The following DUS2 variants were observed in gnomAD, a reference collection of about 807,000 sequenced individuals.
DUS2 encodes tRNA-dihydrouridine(20) synthase [NAD(P)+]-like.
In DUS2, 52 loss-of-function variants were observed where a neutral mutation model predicts 71.3. The ratio of observed to expected loss-of-function variants is 0.73; its 90% CI spans 0.58 to 0.92. DUS2 has a LOEUF of 0.92. Among genes scored for constraint, DUS2 ranks in the 40% least tolerant of loss-of-function variants. The pLI, the probability that DUS2 is intolerant of heterozygous loss-of-function variation, is 0.00. For missense variants in DUS2, 558 were observed against 622.6 expected (o/e 0.90, Z 1.10); for synonymous variants, 204 against 227.8 (o/e 0.90, Z 0.94).
intron 3 of DUS2, among the ~76,000 whole-genome samples, chr16:68,044,570 A>AT (rs1421211165): frequency 2.0e-5 from 3 of 150,902 alleles, no homozygotes; most frequent in African/African-American, 7.3e-5. Flanking sequence ...TAATTTTTGT[A>AT]TTTTTTTGTA....
At chr16:68,035,929 T>TATATATAC (rs1416625748) in intron 2 of DUS2, among the ~76,000 whole-genome samples, 17 of 108,536 alleles carry the variant, frequency 1.6e-4, no homozygotes, top group African/African-American at 6.2e-4. Flanking sequence ...TATATATATA[T>TATATATAC]ACACACATAC....
chr16:68,065,957 C>T (rs546211345), intron 8 of DUS2, among the ~76,000 whole-genome samples: 75 of 152,250 alleles, frequency 4.9e-4, no homozygotes, highest in African/African-American at 1.7e-3. Flanking sequence ...GTGTGGAATT[C>T]AAGAGTGTGT....
rs1173522157 is a variant in DUS2, at chr16:68,053,624, A to C, written c.233A>C (p.Glu78Ala). ...GATCGAGTTGTCTTCCGCACCTGTG[A>C]AAGAGAGCAGAACAGGGTGGTCTTC... is the stretch of plus-strand genomic sequence containing the variant. Reference protein sequence around the residue: ...PDDRVVFRTCEREQNRVVFQM... With the variant: ...PDDRVVFRTCAREQNRVVFQM... Residue 78 changes from glutamate to alanine, a missense_variant, in exon 5 of 17, where the codon GAA becomes GCA. By Grantham distance (107) the Glu-to-Ala change is moderately radical (BLOSUM62 -1). Coordinates refer to ENST00000565263, the MANE Select transcript of DUS2 (RefSeq NM_017803.5). 1.2e-6 allele frequency: 2 copies of C among 1,614,206 alleles called. No individual in the cohort carries two copies. Among genetic ancestry groups the C allele is most frequent in the South Asian group, 2.2e-5 (2 of 91,088 alleles).
At chr16:68,044,056 C>T (rs1175903951) in intron 3 of DUS2, among the ~76,000 whole-genome samples, 1 of 152,172 alleles carries the variant, frequency 6.6e-6, no homozygotes, top group Admixed American at 6.5e-5. Flanking sequence ...GTATGTCTAC[C>T]TGTATGCCAG....
chr16:68,042,765 A>G (rs368019650), intron 3 of DUS2, among the ~76,000 whole-genome samples: 1 of 151,758 alleles, frequency 6.6e-6, no homozygotes, highest in Non-Finnish European at 1.5e-5. Flanking sequence ...CTGGAGTGCC[A>G]TGGCGTGATC....
At chr16:68,032,013 A>G (rs2033448018) in intron 2 of DUS2, among the ~76,000 whole-genome samples, 1 of 152,218 alleles carries the variant, frequency 6.6e-6, no homozygotes, top group Non-Finnish European at 1.5e-5. Flanking sequence ...TGTCTAAGAA[A>G]TTGAGCGTAA....
rs1567480123 is a variant in DUS2 at position 68,066,307 on chromosome 16, CT to C, written c.418-7del. ...AAGACATAGGTGCTCTTGTGTTTTC[CT>C]TTCTGCAGATCCTCAGCACTCTTGT... On this transcript the variant is annotated splice_polypyrimidine_tract_variant and intron_variant, in intron 8 of 16. Coordinates refer to ENST00000565263, the MANE Select transcript of DUS2 (RefSeq NM_017803.5). 2 of 1,613,894 alleles carry C rather than the reference CT, an allele frequency of 1.2e-6. No homozygotes were observed. Among genetic ancestry groups the C allele is most frequent in the Middle Eastern group, 1.6e-4 (1 of 6,082 alleles).
intron 8 of DUS2, among the ~76,000 whole-genome samples, chr16:68,065,746 TG>T (rs1433906557): frequency 1.3e-5 from 2 of 152,070 alleles, no homozygotes; most frequent in Admixed American, 6.5e-5. Flanking sequence ...CTCAAAGTGT[TG>T]GGATTACAGG....
At position 68,034,722 on chromosome 16, in the gene DUS2, G is replaced by A. The variant is rs1431252879; in HGVS notation, c.-18-3284G>A. 2.0e-5 allele frequency among the ~76,000 whole-genome samples: 3 copies of A among 152,238 alleles called. No individual in the cohort carries two copies. The East Asian group carries it at 5.8e-4, about 30-fold the overall frequency. ...GTTAGAATAAATCATATTAGGCTGGGCATGGTGGCTCATGCCTGTAATCCC... is the reference window on the plus strand; with the variant it reads ...GTTAGAATAAATCATATTAGGCTGGACATGGTGGCTCATGCCTGTAATCCC... On this transcript the variant is annotated intron_variant, in intron 2 of 16. Coordinates refer to ENST00000565263, the MANE Select transcript of DUS2 (RefSeq NM_017803.5).
At chr16:68,063,613 G>T (rs1014028869) in intron 8 of DUS2, among the ~76,000 whole-genome samples, 3 of 152,202 alleles carry the variant, frequency 2.0e-5, no homozygotes, top group African/African-American at 7.2e-5. Context: ...GACCCTTGGG[G>T]TGAGTAGGGG....
intron 2 of DUS2, among the ~76,000 whole-genome samples, chr16:68,031,819 C>T (rs1322601909): frequency 1.3e-5 from 2 of 152,072 alleles, no homozygotes; most frequent in African/African-American, 2.4e-5. Flanking sequence ...TTCAGCCTCC[C>T]GAGTAGCTGG....
At chr16:68,040,338 C>G (rs915752222) in intron 3 of DUS2, among the ~76,000 whole-genome samples, 1 of 152,092 alleles carries the variant, frequency 6.6e-6, no homozygotes, top group African/African-American at 2.4e-5. Flanking sequence ...CTGCCTTGGC[C>G]TCCCAAAGTG....
At chr16:68,077,748 G>T (rs561652126) in intron 15 of DUS2, among the ~76,000 whole-genome samples, 1 of 152,202 alleles carries the variant, frequency 6.6e-6, no homozygotes, top group African/African-American at 2.4e-5. Context: ...CCCAGATGTG[G>T]TGCCCCTGGG....
chr16:68,047,196 C>T (rs553174815), intron 3 of DUS2, among the ~76,000 whole-genome samples: 9 of 150,448 alleles, frequency 6.0e-5, no homozygotes, highest in South Asian at 2.1e-4. Context: ...GCTGGGATTA[C>T]GGGCACGTGC....
At chr16:68,040,956 C>T (rs1452025663) in intron 3 of DUS2, among the ~76,000 whole-genome samples, 1 of 152,074 alleles carries the variant, frequency 6.6e-6, no homozygotes, top group Non-Finnish European at 1.5e-5. Context: ...AGTCGCCGAG[C>T]GTGGTGGCTC....
intron 6 of DUS2, among the ~76,000 whole-genome samples, chr16:68,055,437 C>G (rs1797553088): frequency 1.3e-5 from 2 of 152,052 alleles, no homozygotes; most frequent in Non-Finnish European, 2.9e-5. Flanking sequence ...CTGGGGAACA[C>G]AGTGAGACCC....
chr16:68,070,220 A>G lies in DUS2; in HGVS notation c.641A>G (p.Asn214Ser). 6.2e-7 allele frequency: 1 copy of G among 1,613,898 alleles called. No individual in the cohort carries two copies. The highest frequency in any genetic ancestry group is 2.2e-5 in the East Asian group (1 of 44,880). Residue 214 changes from asparagine to serine, a missense_variant and splice_region_variant, in exon 11 of 17, where the codon AAC becomes AGC. Asn to Ser is a conservative substitution (Grantham distance 46). Coordinates refer to ENST00000565263, the MANE Select transcript of DUS2 (RefSeq NM_017803.5). ...ADTLSIPVIA[N>S]GGSHDHIQQY... ...ACCCTCTCCATTCCTGTCATAGCCA[A>G]GTAAGCCTCCTGTCTTCATCATGTA...
chr16:68,054,566 G>A lies in DUS2; in HGVS notation c.265-8G>A, dbSNP rs183117822. ...GGCAGTGGTTGATGCAGCCTCTTGT[G>A]TTCCCAGGGGACTTCAGACGCAGAG... On this transcript the variant is annotated splice_polypyrimidine_tract_variant and splice_region_variant and intron_variant, in intron 5 of 16. Transcript: ENST00000565263. The A allele has an allele frequency of 2.0e-5, 33 of 1,614,102 alleles. No homozygotes were observed. The East Asian group carries it at 6.9e-4, about 34-fold the overall frequency.
At chr16:68,068,297 C>T (rs2034037282) in intron 10 of DUS2, among the ~76,000 whole-genome samples, 1 of 152,168 alleles carries the variant, frequency 6.6e-6, no homozygotes, top group Non-Finnish European at 1.5e-5. Context: ...CAAAGCAGAG[C>T]AAAGCAGAGT....
Sources: gnomAD v4.1 joint callset for allele counts (sites outside exome capture counted in the v4.1 genomes callset) on GRCh38, gnomAD v4.1.1 for gene constraint, MANE v1.5 for transcripts, NCBI Gene and HGNC (gene_info 2026-07-23, HGNC 2026-07-21) for gene names.